The following LRFN2 variants were observed in gnomAD, a reference collection of about 807,000 sequenced individuals.
LRFN2 encodes leucine rich repeat and fibronectin type III domain containing 2.
In LRFN2, 18 loss-of-function variants were observed where a neutral mutation model predicts 37.3. That is an observed-to-expected ratio of 0.48 (90% CI 0.33 to 0.72). The LOEUF (loss-of-function observed/expected upper bound fraction) is 0.72, where lower values mean the gene tolerates loss of function less well. Among genes scored for constraint, LRFN2 ranks in the 30% least tolerant of loss-of-function variants. The probability of loss-of-function intolerance (pLI) is 0.02; values close to 1 mark genes in which losing one functional copy is unlikely to be tolerated. For synonymous variants in LRFN2, 556 were observed against 466.6 expected (o/e 1.19, Z -2.47); for missense variants, 1,006 against 1,060.7 (o/e 0.95, Z 0.72).
In LRFN2 at chr6:40,523,505, ATTTTT is replaced by A. The variant is rs751179915; in HGVS notation, c.-19+63431_-19+63435del. 1.7e-3 allele frequency among the ~76,000 whole-genome samples: 214 copies of A among 129,314 alleles called. 12 individuals carry two copies. The highest frequency in any genetic ancestry group is 4.9e-3 in the African/African-American group (175 of 35,962). 84.8% of individuals were successfully genotyped at this position (129,314 alleles called of 152,430 possible). Reference sequence around the variant, plus strand: ...TAGGACCCTAAAGCATCTTTAGGTGATTTTTTTTTTTTTTTTTTTTTTTTTTTTTT... The same window carrying A: ...TAGGACCCTAAAGCATCTTTAGGTGATTTTTTTTTTTTTTTTTTTTTTTTT... On this transcript the variant is annotated intron_variant, in intron 1 of 2. Coordinates refer to ENST00000338305, the MANE Select transcript of LRFN2 (RefSeq NM_020737.3).
At chr6:40,465,923 TGTG>T (rs1050032697) in intron 1 of LRFN2, among the ~76,000 whole-genome samples, 4 of 151,902 alleles carry the variant, frequency 2.6e-5, no homozygotes, top group African/African-American at 9.7e-5. Flanking sequence ...AAGAAAAGGT[TGTG>T]GGGGTGGAGA....
intron 1 of LRFN2, among the ~76,000 whole-genome samples, chr6:40,478,019 G>T (rs1764745699): frequency 6.6e-6 from 1 of 152,218 alleles, no homozygotes; most frequent in South Asian, 2.1e-4. Flanking sequence ...AGAGACAGTT[G>T]ATTGGATCAC....
At chr6:40,420,387 C>A (rs553587757) in intron 2 of LRFN2, among the ~76,000 whole-genome samples, 11 of 152,242 alleles carry the variant, frequency 7.2e-5, no homozygotes, top group Non-Finnish European at 1.3e-4. Flanking sequence ...GCCTAATTGT[C>A]AAGAAGTAAG....
chr6:40,498,298 T>C (rs1383106673), intron 1 of LRFN2, among the ~76,000 whole-genome samples: 1 of 151,996 alleles, frequency 6.6e-6, no homozygotes, highest in East Asian at 1.9e-4. Context: ...TGCCCTCAGG[T>C]CCTTCCTAAT....
chr6:40,557,600 T>C (rs1215357537), intron 1 of LRFN2, among the ~76,000 whole-genome samples: 1 of 152,114 alleles, frequency 6.6e-6, no homozygotes, highest in Non-Finnish European at 1.5e-5. Context: ...GAGTGGGGTG[T>C]GCCCAGGGAG....
chr6:40,489,069 A>G (rs1179826113), intron 1 of LRFN2, among the ~76,000 whole-genome samples: 7 of 152,140 alleles, frequency 4.6e-5, no homozygotes, highest in Admixed American at 2.6e-4. Context: ...GATATTTACC[A>G]AACACCTCTC....
At chr6:40,415,173 T>C (rs963995353) in intron 2 of LRFN2, among the ~76,000 whole-genome samples, 3 of 152,194 alleles carry the variant, frequency 2.0e-5, no homozygotes, top group African/African-American at 7.2e-5. Flanking sequence ...CAATGCCTCC[T>C]GTGCCTCCTC....
chr6:40,506,408 A>C (rs1451321451), intron 1 of LRFN2, among the ~76,000 whole-genome samples: 1 of 152,228 alleles, frequency 6.6e-6, no homozygotes, highest in African/African-American at 2.4e-5. Flanking sequence ...CTATTCGAAA[A>C]AAGAAAAAAA....
chr6:40,530,587 C>T (rs781331619), intron 1 of LRFN2, among the ~76,000 whole-genome samples: 6 of 152,120 alleles, frequency 3.9e-5, no homozygotes, highest in East Asian at 1.9e-4. Flanking sequence ...TCCCAACTTC[C>T]TCAGAGGATT....
chr6:40,487,604 G>T (rs1764993612), intron 1 of LRFN2, among the ~76,000 whole-genome samples: 1 of 152,246 alleles, frequency 6.6e-6, no homozygotes, highest in Non-Finnish European at 1.5e-5. Context: ...TCTGGCTTTT[G>T]GAAGGATGAC....
chr6:40,549,986 A>C (rs1443058008), intron 1 of LRFN2, among the ~76,000 whole-genome samples: 1 of 152,122 alleles, frequency 6.6e-6, no homozygotes, highest in South Asian at 2.1e-4. Context: ...GTGAGCTGAG[A>C]TTGTGCCATT....
intron 2 of LRFN2, among the ~76,000 whole-genome samples, chr6:40,409,640 C>T (rs1762919666): frequency 6.6e-6 from 1 of 152,196 alleles, no homozygotes; most frequent in South Asian, 2.1e-4. Flanking sequence ...AACACTACCA[C>T]CTCCCCCAAA....
intron 2 of LRFN2, among the ~76,000 whole-genome samples, chr6:40,420,363 A>G (rs556445466): frequency 9.1e-4 from 138 of 152,318 alleles, no homozygotes; most frequent in Middle Eastern, 3.4e-3. Flanking sequence ...ACACACATTC[A>G]TGCCAGACCA....
intron 1 of LRFN2, among the ~76,000 whole-genome samples, chr6:40,497,482 C>T (rs1765260288): frequency 6.6e-6 from 1 of 152,160 alleles, no homozygotes; most frequent in Admixed American, 6.5e-5. Context: ...CTTTGTTTTC[C>T]AGCAGGAGTC....
intron 2 of LRFN2, among the ~76,000 whole-genome samples, chr6:40,424,012 A>G (rs1045017451): frequency 6.6e-6 from 1 of 152,172 alleles, no homozygotes; most frequent in Non-Finnish European, 1.5e-5. Flanking sequence ...AAGTCATACT[A>G]GTTGAGTTTT....
intron 2 of LRFN2, among the ~76,000 whole-genome samples, chr6:40,401,405 G>T (rs536380963): frequency 1.6e-4 from 25 of 152,282 alleles, no homozygotes; most frequent in Admixed American, 1.6e-3. Flanking sequence ...CCTTCTGCCA[G>T]CTGGACCCTT....
chr6:40,556,973 A>T (rs2113926846), intron 1 of LRFN2, among the ~76,000 whole-genome samples: 1 of 152,274 alleles, frequency 6.6e-6, no homozygotes, highest in Admixed American at 6.5e-5. Context: ...AGAATTAGAG[A>T]CATAATAATA....
intron 1 of LRFN2, among the ~76,000 whole-genome samples, chr6:40,536,037 T>C (rs945134339): frequency 4.6e-5 from 7 of 151,692 alleles, no homozygotes; most frequent in African/African-American, 1.7e-4. Context: ...GAGATGGAAA[T>C]AAAGAAGTTC....
At chr6:40,428,514 T>A (rs998880803) in intron 2 of LRFN2, among the ~76,000 whole-genome samples, 1 of 152,180 alleles carries the variant, frequency 6.6e-6, no homozygotes, top group Non-Finnish European at 1.5e-5. Context: ...AAATCCAGAT[T>A]CTTTATTAGA....
Sources: allele counts gnomAD v4.1 joint callset (sites outside exome capture counted in the v4.1 genomes callset), GRCh38; gene constraint gnomAD v4.1.1; transcripts MANE v1.5; gene names NCBI Gene and HGNC (gene_info 2026-07-23, HGNC 2026-07-21).